The following PRMT3 variants were observed in gnomAD, a reference collection of about 807,000 sequenced individuals.
PRMT3 encodes the protein protein arginine methyltransferase 3.
In PRMT3, 62 loss-of-function variants were observed where a neutral mutation model predicts 71.9. The observed-to-expected ratio is 0.86, with a 90% CI of 0.70 to 1.07. The LOEUF is 1.07. Among genes scored for constraint, PRMT3 ranks in the 50% least tolerant of loss-of-function variants. The pLI, the probability that PRMT3 is intolerant of heterozygous loss-of-function variation, is 0.00. For missense variants in PRMT3, 663 were observed against 643.0 expected (o/e 1.03, Z -0.34); for synonymous variants, 213 against 220.4 (o/e 0.97, Z 0.30).
At chr11:20,417,796 AC>A (rs1236674240) in intron 9 of PRMT3, among the ~76,000 whole-genome samples, 1 of 151,778 alleles carries the variant, frequency 6.6e-6, no homozygotes, top group Non-Finnish European at 1.5e-5. Context: ...ACACACACAC[AC>A]AGGAGGCAGT....
At chr11:20,401,419 T>A (rs943584175) in intron 7 of PRMT3, among the ~76,000 whole-genome samples, 6 of 152,178 alleles carry the variant, frequency 3.9e-5, no homozygotes, top group African/African-American at 1.2e-4. Flanking sequence ...AGGAGAAGAT[T>A]TAATAATTTT....
At chr11:20,496,532 A>C (rs1048570211) in intron 15 of PRMT3, among the ~76,000 whole-genome samples, 1 of 149,778 alleles carries the variant, frequency 6.7e-6, no homozygotes, top group African/African-American at 2.5e-5. Context: ...ATACATACAC[A>C]TATCTAATAC....
Position 20,429,485 on chromosome 11 carries a change from T to C in PRMT3, c.993+2620T>C, listed in dbSNP as rs559578526. On this transcript the variant is annotated intron_variant, in intron 10 of 15. Coordinates refer to ENST00000331079, the MANE Select transcript of PRMT3 (RefSeq NM_005788.4). Reference sequence around the variant, plus strand: ...AAAGAACACCTTTCACTTCAGAGCGTTGGTCAGGTAAGACCTCTCTCTTCA... The same window carrying C: ...AAAGAACACCTTTCACTTCAGAGCGCTGGTCAGGTAAGACCTCTCTCTTCA... Among the ~76,000 whole-genome samples, 31 of 152,282 alleles carry C rather than the reference T, an allele frequency of 2.0e-4. No homozygotes were observed. In the South Asian group the frequency reaches 5.0e-3, roughly 24 times the overall value.
intron 9 of PRMT3, among the ~76,000 whole-genome samples, chr11:20,419,056 C>T (rs1185329558): frequency 2.6e-5 from 4 of 152,162 alleles, no homozygotes; most frequent in African/African-American, 9.7e-5. Context: ...AGAAGTAGAA[C>T]TGTGGTCCTT....
At chr11:20,457,183 A>G (rs1227749402) in intron 11 of PRMT3, among the ~76,000 whole-genome samples, 1 of 152,132 alleles carries the variant, frequency 6.6e-6, no homozygotes, top group East Asian at 1.9e-4. Flanking sequence ...TCAGAGCAAA[A>G]TAAGCTTAAA....
At chr11:20,490,950 C>T (rs1590106743) in intron 13 of PRMT3, among the ~76,000 whole-genome samples, 1 of 152,004 alleles carries the variant, frequency 6.6e-6, no homozygotes, top group African/African-American at 2.4e-5. Flanking sequence ...AATTTTAAAA[C>T]TTTTTTTTCT....
At chr11:20,471,819 C>G (rs1404624525) in intron 13 of PRMT3, among the ~76,000 whole-genome samples, 1 of 152,148 alleles carries the variant, frequency 6.6e-6, no homozygotes, top group Non-Finnish European at 1.5e-5. Flanking sequence ...AATATTGATT[C>G]TTTCTATCCC....
chr11:20,398,428 G>A (rs60891714), intron 7 of PRMT3, among the ~76,000 whole-genome samples: 1 of 152,106 alleles, frequency 6.6e-6, no homozygotes, highest in African/African-American at 2.4e-5. Flanking sequence ...GTGTGATGGT[G>A]CTTCCATGAG....
intron 15 of PRMT3, among the ~76,000 whole-genome samples, chr11:20,496,900 C>G (rs1207825502): frequency 6.6e-6 from 1 of 152,126 alleles, no homozygotes; most frequent in Non-Finnish European, 1.5e-5. Context: ...GAAATAAAAC[C>G]TTGATGGTGT....
At chr11:20,420,854 G>A (rs1376971105) in intron 9 of PRMT3, among the ~76,000 whole-genome samples, 1 of 152,124 alleles carries the variant, frequency 6.6e-6, no homozygotes, top group East Asian at 1.9e-4. Context: ...CCATAAAGGA[G>A]ATCCTAGCCA....
chr11:20,389,202 CATA>C (rs1198248885), intron 2 of PRMT3, among the ~76,000 whole-genome samples: 1 of 152,156 alleles, frequency 6.6e-6, no homozygotes, highest in Non-Finnish European at 1.5e-5. Context: ...TTGCATGTCA[CATA>C]ATAAAGAGGA....
At chr11:20,464,703 TAGG>T (rs1850467440) in intron 13 of PRMT3, among the ~76,000 whole-genome samples, 157 bp downstream of exon 13, 1 of 152,192 alleles carries the variant, frequency 6.6e-6, no homozygotes, top group African/African-American at 2.4e-5. Flanking sequence ...ATCTGGTTAA[TAGG>T]TCAGTAAACT....
chr11:20,423,440 T>A (rs1220376285), intron 9 of PRMT3, among the ~76,000 whole-genome samples: 1 of 152,210 alleles, frequency 6.6e-6, no homozygotes, highest in Admixed American at 6.5e-5. Context: ...GGAACACGGC[T>A]GGGCCTTTTT....
intron 9 of PRMT3, among the ~76,000 whole-genome samples, chr11:20,425,774 A>G (rs988083679): frequency 1.3e-5 from 2 of 152,150 alleles, no homozygotes; most frequent in Non-Finnish European, 2.9e-5. Context: ...ATGGGCACTA[A>G]TCTTTGGGGG....
chr11:20,397,805 G>A, intron 7 of PRMT3, 84 bp downstream of exon 7: 1 of 1,414,688 alleles, frequency 7.1e-7, no homozygotes, highest in Non-Finnish European at 9.4e-7. Flanking sequence ...TGCACTATAG[G>A]AGACCTCTTT....
At chr11:20,406,647 C>G (rs561345752) in intron 8 of PRMT3, 1 of 152,138 alleles carries the variant, frequency 6.6e-6, no homozygotes, top group Non-Finnish European at 1.5e-5. Context: ...GCTTTTAATT[C>G]TTTTGGGTAT....
chr11:20,470,763 A>G (rs10766676), intron 13 of PRMT3, among the ~76,000 whole-genome samples: 43,054 of 152,010 alleles, frequency 0.28, 6,237 homozygotes, highest in South Asian at 0.38. Context: ...GTACCCAGTA[A>G]TGGGATTGCT....
chr11:20,494,116 A>G (rs963399982), intron 14 of PRMT3, 51 bp from the exon 15 acceptor site: 6 of 1,513,318 alleles, frequency 4.0e-6, no homozygotes, highest in Non-Finnish European at 5.5e-6. Context: ...ATGTACCATG[A>G]TATTAAAAAT....
chr11:20,388,127 AGCAGAC>A lies in PRMT3; in HGVS notation c.138_143del (p.Gln46_Thr48delinsHis), dbSNP rs757991432. ...GATGCAGATCTCCCCCACGGCAAGCAGCAGACCCCCTGCCTGTTCTGTAACAGGTTC... is the reference window on the plus strand; with the variant it reads ...GATGCAGATCTCCCCCACGGCAAGCACCCCTGCCTGTTCTGTAACAGGTTC... On this transcript the variant is annotated inframe_deletion, in exon 2 of 16. Transcript: ENST00000331079. 1.7e-5 allele frequency: 28 copies of A among 1,613,892 alleles called. No individual in the cohort carries two copies. Among genetic ancestry groups the A allele is most frequent in the Admixed American group, 1.3e-4 (8 of 60,008 alleles).
Sources: allele counts gnomAD v4.1 joint callset (sites outside exome capture counted in the v4.1 genomes callset), GRCh38; gene constraint gnomAD v4.1.1; transcripts MANE v1.5; gene names NCBI Gene and HGNC (gene_info 2026-07-23, HGNC 2026-07-21).